PARD3B: variants seen among roughly 807,000 people sequenced by gnomAD.
PARD3B encodes par-3 family cell polarity regulator beta.
PARD3B carries 103 observed loss-of-function variants against 130.2 expected under a neutral mutation model. The observed-to-expected ratio is 0.79, with a 90% CI of 0.67 to 0.93. The LOEUF is 0.93. Among genes scored for constraint, PARD3B ranks in the 40% least tolerant of loss-of-function variants. The pLI is 0.00. For missense variants in PARD3B, 1,609 were observed against 1,499.2 expected (o/e 1.07, Z -1.21); for synonymous variants, 583 against 553.2 (o/e 1.05, Z -0.76).
chr2:205,318,159 C>T (rs1470440307), intron 18 of PARD3B, among the ~76,000 whole-genome samples: 1 of 152,094 alleles, frequency 6.6e-6, no homozygotes, highest in Non-Finnish European at 1.5e-5. Flanking sequence ...TTCTTCTCCC[C>T]CAGGGACTGT....
At chr2:204,894,323 A>G (rs992581574) in intron 2 of PARD3B, among the ~76,000 whole-genome samples, 2 of 152,286 alleles carry the variant, frequency 1.3e-5, no homozygotes, top group Middle Eastern at 3.4e-3. Flanking sequence ...CTTTAAACAA[A>G]TAGTTTGAGG....
At chr2:204,957,966 C>T (rs1690411116) in intron 2 of PARD3B, among the ~76,000 whole-genome samples, 1 of 151,886 alleles carries the variant, frequency 6.6e-6, no homozygotes, top group Non-Finnish European at 1.5e-5. Context: ...ATGTAGGAAA[C>T]AGTAAAAAAT....
chr2:205,144,962 C>T (rs1164804838), intron 10 of PARD3B, among the ~76,000 whole-genome samples: 2 of 152,160 alleles, frequency 1.3e-5, no homozygotes. Flanking sequence ...CTTTTCGAGG[C>T]TGTGGTAGTA....
intron 2 of PARD3B, among the ~76,000 whole-genome samples, chr2:204,719,913 G>T (rs889040690): frequency 3.8e-4 from 58 of 152,136 alleles, no homozygotes; most frequent in Admixed American, 1.1e-3. Flanking sequence ...GTAAATCTCA[G>T]GAAGAATGTA....
chr2:205,453,391 A>G lies in PARD3B; in HGVS notation c.3044+12719A>G, dbSNP rs116307949. On this transcript the variant is annotated intron_variant, in intron 20 of 22. Transcript: ENST00000406610. Reference sequence around the variant, plus strand: ...CCAGAGATGAAAGTTAGCACAGGCCATGTTGTTAAAGGCCAGATAATCTAA... The same window carrying G: ...CCAGAGATGAAAGTTAGCACAGGCCGTGTTGTTAAAGGCCAGATAATCTAA... Among the ~76,000 whole-genome samples, 1,207 of 152,306 alleles carry G rather than the reference A, an allele frequency of 7.9e-3. 9 individuals carry two copies. The highest frequency in any genetic ancestry group is 0.012 in the Non-Finnish European group (828 of 68,018).
At chr2:205,331,619 T>C (rs1037758233) in intron 18 of PARD3B, among the ~76,000 whole-genome samples, 3 of 150,916 alleles carry the variant, frequency 2.0e-5, no homozygotes, top group Admixed American at 6.6e-5. Flanking sequence ...CCATCTCTAC[T>C]AAAAATACAA....
In PARD3B at chr2:205,463,901, G is replaced by C. The variant is rs1330269959; in HGVS notation, c.3044+23229G>C. Among the ~76,000 whole-genome samples the C allele has an allele frequency of 2.0e-5, 3 of 152,156 alleles. No individual in the cohort carries two copies. Among genetic ancestry groups the C allele is most frequent in the Non-Finnish European group, 2.9e-5 (2 of 68,022 alleles). Reference sequence around the variant, plus strand: ...AGCAGCCGAGTAGGAAAATGGACTAGAAAAGTGTTTTATTGAAGGGATCTT... The same window carrying C: ...AGCAGCCGAGTAGGAAAATGGACTACAAAAGTGTTTTATTGAAGGGATCTT... On this transcript the variant is annotated intron_variant, in intron 20 of 22. Coordinates refer to ENST00000406610, the MANE Select transcript of PARD3B (RefSeq NM_001302769.2). The surrounding 1 kb of genome is among the most constrained non-coding windows in gnomAD (Gnocchi z 4.8).
rs188985626 is a variant in PARD3B at position 205,157,516 on chromosome 2, G to A, written c.1435-1206G>A. On this transcript the variant is annotated intron_variant, in intron 10 of 22. Coordinates refer to ENST00000406610, the MANE Select transcript of PARD3B (RefSeq NM_001302769.2). The stretch of plus-strand genomic sequence containing the variant: ...TATTTGGGGAGGGGTTGAAAATGCC[G>A]CGTCAATGGATCTGGCTGTGATCCG... 3.0e-4 allele frequency among the ~76,000 whole-genome samples: 46 copies of A among 152,228 alleles called. No individual in the cohort carries two copies. The South Asian group carries it at 6.2e-3, about 21-fold the overall frequency.
At chr2:204,712,140 G>A (rs561056805) in intron 2 of PARD3B, among the ~76,000 whole-genome samples, 1 of 152,192 alleles carries the variant, frequency 6.6e-6, no homozygotes, top group African/African-American at 2.4e-5. Context: ...TTTATGAAGG[G>A]AGTTTATATC....
chr2:205,425,558 A>G (rs1000123288), intron 19 of PARD3B, among the ~76,000 whole-genome samples: 11 of 152,044 alleles, frequency 7.2e-5, no homozygotes, highest in African/African-American at 2.7e-4. Context: ...TGTAAAAAAA[A>G]AAAAAAAAAA....
In PARD3B at chr2:204,914,882, G is replaced by T. The variant is rs115096707; in HGVS notation, c.223-50270G>T. On this transcript the variant is annotated intron_variant, in intron 2 of 22. Transcript: ENST00000406610. ...GCCTCCAAGCTCCAGATCCCCAGCT[G>T]CCCAGATGCTCGTGGCCCTGCCCAC... 9.3e-3 allele frequency among the ~76,000 whole-genome samples: 1,416 copies of T among 152,232 alleles called. 23 individuals carry two copies. Among genetic ancestry groups the T allele is most frequent in the African/African-American group, 0.029 (1,219 of 41,534 alleles).
intron 2 of PARD3B, among the ~76,000 whole-genome samples, chr2:204,879,018 T>A (rs1479475547): frequency 6.6e-6 from 1 of 152,180 alleles, no homozygotes; most frequent in African/African-American, 2.4e-5. Context: ...CTTAGCTATT[T>A]GGAATGTGGA....
Position 204,643,115 on chromosome 2 carries a change from CAAAAA to C in PARD3B, c.121-43049_121-43045del, listed in dbSNP as rs71029202. On this transcript the variant is annotated intron_variant, in intron 1 of 22. Coordinates refer to ENST00000406610, the MANE Select transcript of PARD3B (RefSeq NM_001302769.2). ...GGCGACAGAGGGAGACTCTGTCTCA[CAAAAA>C]AAAAAAAAAAAAAAAATGTTTGGCA... Among the ~76,000 whole-genome samples the C allele has an allele frequency of 2.5e-4, 8 of 31,814 alleles. 1 individual carries two copies. The highest frequency in any genetic ancestry group is 5.9e-4 in the African/African-American group (6 of 10,192). 20.9% of individuals were successfully genotyped at this position (31,814 alleles called of 152,430 possible).
chr2:205,245,487 G>A (rs2039533310), intron 15 of PARD3B, among the ~76,000 whole-genome samples: 1 of 152,000 alleles, frequency 6.6e-6, no homozygotes, highest in East Asian at 1.9e-4. Context: ...TTCTCCTCTT[G>A]TAAATGTGGA....
At chr2:205,250,558 A>G (rs1287411470) in intron 16 of PARD3B, among the ~76,000 whole-genome samples, 1 of 152,126 alleles carries the variant, frequency 6.6e-6, no homozygotes, top group Non-Finnish European at 1.5e-5. Flanking sequence ...CTAGGGAGCT[A>G]TTTCTATGTG....
At chr2:205,180,248 T>C (rs993635582) in intron 13 of PARD3B, among the ~76,000 whole-genome samples, 1 of 151,432 alleles carries the variant, frequency 6.6e-6, no homozygotes, top group African/African-American at 2.4e-5. Flanking sequence ...TACATTTTCA[T>C]TGTTAGAGGC....
intron 2 of PARD3B, among the ~76,000 whole-genome samples, chr2:204,784,722 A>G (rs2041948890): frequency 6.6e-6 from 1 of 152,198 alleles, no homozygotes; most frequent in South Asian, 2.1e-4. Flanking sequence ...CTTATTTACA[A>G]ATGTGACTTT....
chr2:205,388,985 A>G (rs2045757442), intron 18 of PARD3B, among the ~76,000 whole-genome samples: 1 of 152,208 alleles, frequency 6.6e-6, no homozygotes, highest in South Asian at 2.1e-4. Context: ...CTAAGGAAAG[A>G]GGGGGTGGTT....
chr2:205,011,575 A>G lies in PARD3B; in HGVS notation c.395-36006A>G, dbSNP rs1424696257. 6.6e-6 allele frequency among the ~76,000 whole-genome samples: 1 copy of G among 152,188 alleles called. No individual in the cohort carries two copies. The highest frequency in any genetic ancestry group is 2.4e-5 in the African/African-American group (1 of 41,454). On this transcript the variant is annotated intron_variant, in intron 3 of 22. Transcript: ENST00000406610. The surrounding 1 kb of genome is among the most constrained non-coding windows in gnomAD (Gnocchi z 4.1). ...CCAACCTTGGTGCACTGTAGGAAGG[A>G]ACTACATAGTGTAAATCCAGGCAGT...
Sources: allele counts gnomAD v4.1 joint callset (sites outside exome capture counted in the v4.1 genomes callset), GRCh38; gene constraint gnomAD v4.1.1; non-coding constraint Gnocchi (gnomAD v3.1); transcripts MANE v1.5; gene names NCBI Gene and HGNC (gene_info 2026-07-23, HGNC 2026-07-21).